Variants in FLT3 observed in about 807,000 individuals in gnomAD.
FLT3 encodes the protein fms related receptor tyrosine kinase 3, also known as receptor-type tyrosine-protein kinase FLT3.
FLT3 carries 46 observed loss-of-function variants against 126.6 expected under a neutral mutation model. The observed-to-expected ratio is 0.36, with a 90% confidence interval of 0.29 to 0.46. FLT3 has a LOEUF of 0.46. FLT3 is among the 20% of genes least tolerant of loss of function. The probability of loss-of-function intolerance (pLI) is 1.00; values close to 1 mark genes in which losing one functional copy is unlikely to be tolerated. For missense variants in FLT3, 1,069 were observed against 1,190.3 expected (o/e 0.90, Z 1.50); for synonymous variants, 404 against 434.4 (o/e 0.93, Z 0.87).
chr13:28,048,932 T>A (rs550159234), intron 8 of FLT3, among the ~76,000 whole-genome samples: 3 of 152,246 alleles, frequency 2.0e-5, no homozygotes, highest in Non-Finnish European at 4.4e-5. Flanking sequence ...TATTTTCAGA[T>A]CCTACATACC....
chr13:28,029,806 T>C (rs1194734517), intron 15 of FLT3, among the ~76,000 whole-genome samples: 1 of 152,208 alleles, frequency 6.6e-6, no homozygotes, highest in African/African-American at 2.4e-5. Context: ...GGCTAGAACA[T>C]ATTGGTTGGC....
chr13:28,055,457 T>C (rs373846088), intron 4 of FLT3, among the ~76,000 whole-genome samples: 102 of 152,368 alleles, frequency 6.7e-4, no homozygotes, highest in African/African-American at 2.3e-3. Context: ...TTAATTTCCT[T>C]AATTTAGACG....
chr13:28,057,054 A>G (rs1366151082), intron 4 of FLT3, among the ~76,000 whole-genome samples: 12 of 152,196 alleles, frequency 7.9e-5, no homozygotes, highest in African/African-American at 2.9e-4. Flanking sequence ...TCCAAGGTCA[A>G]AATGTTTTCC....
At chr13:28,062,372 G>C (rs1876649236) in intron 2 of FLT3, among the ~76,000 whole-genome samples, 1 of 152,088 alleles carries the variant, frequency 6.6e-6, no homozygotes, top group Admixed American at 6.6e-5. Context: ...ACTTTATTTG[G>C]AGATGGTCTT....
chr13:28,049,255 T>C, intron 8 of FLT3, 129 bp downstream of exon 8: 4 of 904,346 alleles, frequency 4.4e-6, no homozygotes, highest in Non-Finnish European at 6.8e-6. Context: ...AAAGCTATTC[T>C]AACTCAGTTT....
chr13:28,064,069 C>G (rs545238884), intron 2 of FLT3, among the ~76,000 whole-genome samples: 1 of 152,058 alleles, frequency 6.6e-6, no homozygotes, highest in Non-Finnish European at 1.5e-5. Context: ...CCCAGGAGTT[C>G]AAGTCCAGCC....
intron 1 of FLT3, among the ~76,000 whole-genome samples, chr13:28,076,567 A>G (rs1566100627): frequency 6.6e-6 from 1 of 152,124 alleles, no homozygotes; most frequent in Non-Finnish European, 1.5e-5. Context: ...TCAGAGTCCA[A>G]GAGCCAAAGA....
intron 11 of FLT3, 52 bp from the exon 12 acceptor site, chr13:28,035,725 G>C (rs1207300153): frequency 6.4e-7 from 1 of 1,550,700 alleles, no homozygotes; most frequent in East Asian, 2.2e-5. Context: ...CATCAGATTG[G>C]AAGTTAGGAT....
At chr13:28,054,344 T>A (rs1875814891) in intron 4 of FLT3, among the ~76,000 whole-genome samples, 1 of 152,108 alleles carries the variant, frequency 6.6e-6, no homozygotes, top group Admixed American at 6.6e-5. Flanking sequence ...AAATAATTAA[T>A]TGGGAGTCCA....
chr13:28,024,992 G>A, intron 17 of FLT3, 49 bp from the exon 18 acceptor site: 1 of 1,003,556 alleles, frequency 1.0e-6, no homozygotes, highest in Non-Finnish European at 1.5e-6. Flanking sequence ...CTTCTCAGCA[G>A]ACATTTTATT....
At chr13:28,048,808 G>A (rs768998648) in intron 8 of FLT3, among the ~76,000 whole-genome samples, 1 of 152,174 alleles carries the variant, frequency 6.6e-6, no homozygotes, top group African/African-American at 2.4e-5. Context: ...CAATATTCAC[G>A]AGGTTGCCTT....
At chr13:28,079,910 T>TA (rs555444461) in intron 1 of FLT3, among the ~76,000 whole-genome samples, 2 of 152,078 alleles carry the variant, frequency 1.3e-5, no homozygotes, top group African/African-American at 2.4e-5. Context: ...AGCCATCACA[T>TA]AGTGAGAAAG....
chr13:28,084,868 G>A (rs1028922397), intron 1 of FLT3, among the ~76,000 whole-genome samples: 1 of 151,540 alleles, frequency 6.6e-6, no homozygotes, highest in Non-Finnish European at 1.5e-5. Context: ...CCAGCTACTC[G>A]GGAGGCTGAG....
chr13:28,048,179 A>T, intron 9 of FLT3, 96 bp downstream of exon 9: 1 of 894,788 alleles, frequency 1.1e-6, no homozygotes, highest in Admixed American at 2.4e-5. Context: ...CTCATAAGTG[A>T]ATTTGCTTCC....
At chr13:28,027,535 C>T (rs1396493773) in intron 16 of FLT3, among the ~76,000 whole-genome samples, 5 of 152,248 alleles carry the variant, frequency 3.3e-5, no homozygotes, top group African/African-American at 1.2e-4. Context: ...AAGTAATGTT[C>T]TAGCTGTGTA....
At chr13:28,018,652 T>C in intron 19 of FLT3, 63 bp from the exon 20 acceptor site, 2 of 1,566,290 alleles carry the variant, frequency 1.3e-6, no homozygotes, top group Non-Finnish European at 1.7e-6. Flanking sequence ...GTGCAATCTT[T>C]CTTCTAGACT....
At chr13:28,069,578 A>G (rs1223286196) in intron 2 of FLT3, among the ~76,000 whole-genome samples, 2 of 152,146 alleles carry the variant, frequency 1.3e-5, no homozygotes, top group African/African-American at 4.8e-5. Flanking sequence ...TTAAGGAGAA[A>G]AGGAAATACA....
chr13:28,033,145 G>GT (rs1259394642), intron 15 of FLT3, among the ~76,000 whole-genome samples: 5 of 139,926 alleles, frequency 3.6e-5, no homozygotes, highest in Non-Finnish European at 7.8e-5. Context: ...GTGAGACACC[G>GT]TATCTACAAA....
chr13:28,026,153 C>A (rs1321902875), intron 17 of FLT3, among the ~76,000 whole-genome samples: 3 of 151,978 alleles, frequency 2.0e-5, no homozygotes, highest in Admixed American at 6.6e-5. Context: ...GAGTTCAACA[C>A]CAGCCTGACC....
Sources: gnomAD v4.1 joint callset for allele counts (sites outside exome capture counted in the v4.1 genomes callset) on GRCh38, gnomAD v4.1.1 for gene constraint, MANE v1.5 for transcripts, NCBI Gene and HGNC (gene_info 2026-07-23, HGNC 2026-07-21) for gene names.